WDR17: variants seen among roughly 807,000 people sequenced by gnomAD.
WDR17 encodes the protein WD repeat-containing protein 17.
WDR17 carries 143 observed loss-of-function variants against 161.7 expected under a neutral mutation model. The observed-to-expected ratio is 0.88, with a 90% CI of 0.77 to 1.02. The LOEUF (loss-of-function observed/expected upper bound fraction) is 1.02. WDR17 is among the 50% of genes least tolerant of loss of function. The pLI is 0.00. For synonymous variants in WDR17, 517 were observed against 515.6 expected, an observed-to-expected ratio of 1.00 and a Z score of -0.04; for missense variants, 1,469 against 1,520.9, an observed-to-expected ratio of 0.97 and a Z score of 0.57.
At chr4:176,177,011 A>G (rs1751544062) in intron 26 of WDR17, 47 bp from the exon 27 acceptor site, 2 of 1,346,178 alleles carry the variant, frequency 1.5e-6, no homozygotes, top group Non-Finnish European at 2.1e-6. Context: ...TTTTTCTGAT[A>G]TCTTAGTTTT....
intron 28 of WDR17, among the ~76,000 whole-genome samples, chr4:176,179,233 AT>A (rs1446335380): frequency 6.6e-6 from 1 of 152,184 alleles, no homozygotes. Flanking sequence ...AAACAATTCT[AT>A]TTTAACAGAT....
At chr4:176,145,254 T>G (rs977842998) in intron 11 of WDR17, among the ~76,000 whole-genome samples, 7 of 95,868 alleles carry the variant, frequency 7.3e-5, no homozygotes, top group Non-Finnish European at 1.5e-4. Context: ...TTCCTACTAC[T>G]CATAATTCCT....
chr4:176,149,890 T>C lies in WDR17; in HGVS notation c.1981T>C (p.Leu661=). 6.2e-7 allele frequency: 1 copy of C among 1,614,130 alleles called. No individual in the cohort carries two copies. The highest frequency in any genetic ancestry group is 8.5e-7 in the Non-Finnish European group (1 of 1,180,020). ...AGTGAGACTCTGGTCATTAACAGCC[T>C]TAGTCACTCCTGTACAAATAAATAT... ...STVRLWSLTA[L]VTPVQINILA... is the part of the protein sequence containing the mutation. The change falls in exon 14 of 29, where the codon TTA becomes CTA. Residue 661 remains leucine, a synonymous_variant. Coordinates refer to ENST00000508596, the MANE Select transcript of WDR17 (RefSeq NM_181265.4).
chr4:176,154,990 T>G (rs1032109988), intron 17 of WDR17, among the ~76,000 whole-genome samples: 4 of 152,114 alleles, frequency 2.6e-5, no homozygotes, highest in Admixed American at 2.0e-4. Flanking sequence ...AAGACAAGTA[T>G]TATATTATCA....
intron 6 of WDR17, among the ~76,000 whole-genome samples, chr4:176,130,526 C>A (rs867163879): frequency 1.6e-4 from 24 of 152,212 alleles, no homozygotes; most frequent in African/African-American, 5.3e-4. Context: ...GGGCAGATCA[C>A]AAGGTCAGGA....
intron 7 of WDR17, among the ~76,000 whole-genome samples, chr4:176,134,382 G>A (rs1473391953): frequency 1.3e-5 from 2 of 151,616 alleles, no homozygotes; most frequent in East Asian, 1.9e-4. Flanking sequence ...TTGTAATTCC[G>A]GCTATTTATG....
intron 7 of WDR17, among the ~76,000 whole-genome samples, chr4:176,134,199 G>C (rs1744009763): frequency 6.6e-6 from 1 of 151,542 alleles, no homozygotes; most frequent in African/African-American, 2.4e-5. Flanking sequence ...TGTGATTTCT[G>C]GTATTAATGG....
chr4:176,115,207 ATTAATTCACT>A (rs1048224168), intron 2 of WDR17, among the ~76,000 whole-genome samples: 35 of 152,198 alleles, frequency 2.3e-4, no homozygotes, highest in African/African-American at 7.2e-4. Flanking sequence ...AATGATAGAG[ATTAATTCACT>A]AATTAATGGA....
At chr4:176,141,855 T>C in intron 10 of WDR17, 128 bp from the exon 11 acceptor site, 1 of 720,588 alleles carries the variant, frequency 1.4e-6, no homozygotes, top group Non-Finnish European at 2.2e-6. Flanking sequence ...TCAAATGTTC[T>C]TTTTGCTTTG....
At position 176,177,162 on chromosome 4, in the gene WDR17, C is replaced by A. The variant is rs1751567330; in HGVS notation, c.3548+6C>A. On this transcript the variant is annotated splice_donor_region_variant and intron_variant, in intron 27 of 28. Coordinates refer to ENST00000508596, the MANE Select transcript of WDR17 (RefSeq NM_181265.4). ...TGCACACAGTCCACCAACAGGTGAG[C>A]AAATATGATATAAAAATTGGAATGC... is the stretch of plus-strand genomic sequence containing the variant. 3 of 1,608,192 alleles carry A rather than the reference C, an allele frequency of 1.9e-6. No individual in the cohort carries two copies. Among genetic ancestry groups the A allele is most frequent in the African/African-American group, 2.7e-5 (2 of 74,856 alleles).
At position 176,162,141 on chromosome 4, in the gene WDR17, C is replaced by T. The variant is rs142984215; in HGVS notation, c.2817C>T (p.Ala939=). The T allele has an allele frequency of 3.3e-5, 54 of 1,612,870 alleles. No homozygotes were observed. In the Middle Eastern group the frequency reaches 8.2e-4, roughly 25 times the overall value. Residue 939 remains alanine, a synonymous_variant, in exon 21 of 29, where the codon GCC becomes GCT. Transcript: ENST00000508596. ...TTCAAGATGGTCGAGCAGTACTAGC[C>T]GCATGTTGCCATCTTGCCATAGATA... is the stretch of plus-strand genomic sequence containing the variant. ...WYFQDGRAVL[A]ACCHLAIDNI...
At chr4:176,149,477 C>T (rs1369409921) in intron 13 of WDR17, among the ~76,000 whole-genome samples, 2 of 152,004 alleles carry the variant, frequency 1.3e-5, no homozygotes, top group Non-Finnish European at 2.9e-5. Flanking sequence ...ATCATGTTGC[C>T]CAGGCCGATC....
chr4:176,137,515 C>T lies in WDR17; in HGVS notation c.1268-5C>T, dbSNP rs373662124. On this transcript the variant is annotated splice_region_variant and splice_polypyrimidine_tract_variant and intron_variant, in intron 8 of 28. Transcript: ENST00000508596. The stretch of plus-strand genomic sequence containing the variant: ...AGTATAATGTCTAACAAATTGTTTC[C>T]TAAGGTGGTTTAAATTGTATTGCTG... 6.2e-6 allele frequency: 10 copies of T among 1,600,740 alleles called. 1 individual carries two copies. In the African/African-American group the frequency reaches 1.2e-4, roughly 19 times the overall value.
chr4:176,116,200 A>G (rs971679747), intron 3 of WDR17, among the ~76,000 whole-genome samples: 10 of 151,922 alleles, frequency 6.6e-5, no homozygotes, highest in Non-Finnish European at 1.5e-4. Flanking sequence ...GACTAAAAAC[A>G]TAGCCAATAC....
chr4:176,177,742 T>G (rs1751650381), intron 28 of WDR17, 88 bp downstream of exon 28: 2 of 1,341,340 alleles, frequency 1.5e-6, no homozygotes, highest in Non-Finnish European at 2.0e-6. Flanking sequence ...CTAATTTGGA[T>G]AAAAGTAGGT....
chr4:176,128,299 A>ATATTTGACAATCCT (rs886945393), intron 5 of WDR17, among the ~76,000 whole-genome samples: 2 of 152,216 alleles, frequency 1.3e-5, no homozygotes, highest in African/African-American at 4.8e-5. Context: ...GTCTTCAGGT[A>ATATTTGACAATCCT]TATTTGACAA....
chr4:176,098,349 T>TCTAG (rs1737231708), intron 1 of WDR17: 2 of 152,068 alleles, frequency 1.3e-5, no homozygotes, highest in African/African-American at 4.8e-5. Context: ...GTTCACATAT[T>TCTAG]AATGAAACAT....
intron 4 of WDR17, among the ~76,000 whole-genome samples, chr4:176,124,230 A>G (rs1192236262): frequency 1.3e-5 from 2 of 152,194 alleles, no homozygotes; most frequent in Non-Finnish European, 2.9e-5. Context: ...TAGATGCTTC[A>G]CTGCCTCTCT....
rs397837505 is a variant in WDR17 at position 176,152,294 on chromosome 4, C to CAAAAAAAAAAAAAAAAAAAAAAAAA, written c.2460+347_2460+348insAAAAAAAAAAAAAAAAAAAAAAAAA. Among the ~76,000 whole-genome samples, 39 of 72,138 alleles carry CAAAAAAAAAAAAAAAAAAAAAAAAA rather than the reference C, an allele frequency of 5.4e-4. 1 individual carries two copies. Among genetic ancestry groups the CAAAAAAAAAAAAAAAAAAAAAAAAA allele is most frequent in the Non-Finnish European group, 9.1e-4 (33 of 36,338 alleles). 47.3% of individuals were successfully genotyped at this position (72,138 alleles called of 152,430 possible). A position where few individuals can be genotyped will look rare whatever the true frequency, so the allele number is the denominator to read the frequency against. On this transcript the variant is annotated intron_variant, in intron 17 of 28. Transcript: ENST00000508596. ...TGGGCTACAGAAAGAGACCCTATCTCAAAAAAAAAAAAAAAAAAAAGCCTG... is the reference window on the plus strand; with the variant it reads ...TGGGCTACAGAAAGAGACCCTATCTCAAAAAAAAAAAAAAAAAAAAAAAAAAAAAAAAAAAAAAAAAAAAAGCCTG...
Sources: allele counts gnomAD v4.1 joint callset (sites outside exome capture counted in the v4.1 genomes callset), GRCh38; gene constraint gnomAD v4.1.1; transcripts MANE v1.5; gene names NCBI Gene and HGNC (gene_info 2026-07-23, HGNC 2026-07-21).